The following NOL4 variants were observed in gnomAD, a reference collection of about 807,000 sequenced individuals.
The protein encoded by NOL4 is cancer/testis antigen 125.
Under a neutral mutation model 75.9 loss-of-function variants are expected in NOL4, and 17 were observed. The observed-to-expected ratio is 0.22, with a 90% CI of 0.15 to 0.34. The LOEUF is 0.34. Among genes scored for constraint, NOL4 ranks in the 10% least tolerant of loss-of-function variants. The pLI is 1.00. For synonymous variants in NOL4, 292 were observed against 289.9 expected (o/e 1.01, Z -0.07); for missense variants, 614 against 793.5 (o/e 0.77, Z 2.72).
intron 1 of NOL4, among the ~76,000 whole-genome samples, chr18:34,177,815 A>G (rs1187270221): frequency 6.6e-6 from 1 of 151,916 alleles, no homozygotes; most frequent in African/African-American, 2.4e-5. Flanking sequence ...ACAAAAATTC[A>G]AAGAATTTGT....
chr18:34,194,623 T>C (rs1274550410), intron 1 of NOL4, among the ~76,000 whole-genome samples: 1 of 152,186 alleles, frequency 6.6e-6, no homozygotes, highest in African/African-American at 2.4e-5. Flanking sequence ...TGTTTACACA[T>C]TGTTTCATCT....
chr18:33,973,482 TA>T (rs1211671620), intron 6 of NOL4, among the ~76,000 whole-genome samples: 1 of 152,208 alleles, frequency 6.6e-6, no homozygotes, highest in East Asian at 1.9e-4. Context: ...TTTATAACGG[TA>T]TATGGAATAC....
intron 5 of NOL4, among the ~76,000 whole-genome samples, chr18:34,032,983 C>A (rs1297783854): frequency 6.6e-6 from 1 of 152,182 alleles, no homozygotes; most frequent in Non-Finnish European, 1.5e-5. Flanking sequence ...AAAGACTACA[C>A]TACCGCACAC....
intron 1 of NOL4, among the ~76,000 whole-genome samples, chr18:34,143,100 G>T (rs1020105561): frequency 2.0e-5 from 3 of 151,854 alleles, no homozygotes; most frequent in African/African-American, 7.2e-5. Flanking sequence ...GAAGGGAAGC[G>T]AAGGGAAGGG....
intron 1 of NOL4, among the ~76,000 whole-genome samples, chr18:34,217,986 T>C (rs970453473): frequency 2.0e-5 from 3 of 152,138 alleles, no homozygotes; most frequent in Non-Finnish European, 4.4e-5. Flanking sequence ...CTATGCCATG[T>C]TTCTTGCCAT....
chr18:33,906,426 C>T lies in NOL4; in HGVS notation c.1543-23002G>A, dbSNP rs905440208. On this transcript the variant is annotated intron_variant, in intron 9 of 10. Coordinates refer to ENST00000261592, the MANE Select transcript of NOL4 (RefSeq NM_003787.5). ...AGTTTGCTAGCTCTCTAAATAAGGT[C>T]ACTGACCTTGTTCCAAATCCTTGTC... Among the ~76,000 whole-genome samples the T allele has an allele frequency of 5.3e-5, 8 of 152,162 alleles. No homozygotes were observed. In the South Asian group the frequency reaches 1.0e-3, roughly 20 times the overall value.
At chr18:33,928,951 T>C (rs919280626) in intron 9 of NOL4, among the ~76,000 whole-genome samples, 1 of 152,208 alleles carries the variant, frequency 6.6e-6, no homozygotes, top group African/African-American at 2.4e-5. Flanking sequence ...TATTCATTAT[T>C]GCTTTTTGGC....
At chr18:33,953,961 C>G (rs528788674) in intron 8 of NOL4, among the ~76,000 whole-genome samples, 2 of 152,210 alleles carry the variant, frequency 1.3e-5, no homozygotes, top group African/African-American at 2.4e-5. Context: ...AGAGCATATA[C>G]TTTAGTTGAA....
intron 9 of NOL4, among the ~76,000 whole-genome samples, chr18:33,913,564 G>A (rs2066535234): frequency 6.6e-6 from 1 of 152,116 alleles, no homozygotes; most frequent in African/African-American, 2.4e-5. Context: ...TTTAGTATGT[G>A]TTGTTTCTCA....
chr18:34,145,685 G>C (rs71363431), intron 1 of NOL4, among the ~76,000 whole-genome samples: 29,623 of 151,198 alleles, frequency 0.2, 3,108 homozygotes, highest in Middle Eastern at 0.24. Flanking sequence ...ACATTATCTC[G>C]GGGAAAAGAA....
At chr18:33,958,008 A>G (rs548671189) in intron 7 of NOL4, among the ~76,000 whole-genome samples, 1 of 152,160 alleles carries the variant, frequency 6.6e-6, no homozygotes, top group African/African-American at 2.4e-5. Context: ...CTAGGTAAAC[A>G]TGCATACTCA....
intron 5 of NOL4, among the ~76,000 whole-genome samples, chr18:34,043,778 G>T (rs1347624886): frequency 6.6e-6 from 1 of 152,020 alleles, no homozygotes; most frequent in Non-Finnish European, 1.5e-5. Context: ...GGAGGCAGTT[G>T]CCTCTTCATC....
intron 6 of NOL4, among the ~76,000 whole-genome samples, chr18:34,006,479 TAG>T (rs2074034236): frequency 6.6e-6 from 1 of 152,032 alleles, no homozygotes; most frequent in African/African-American, 2.4e-5. Context: ...GCCCTAGATG[TAG>T]AGTCATCCCC....
chr18:33,942,312 G>A (rs997640006), intron 9 of NOL4, among the ~76,000 whole-genome samples: 7 of 151,790 alleles, frequency 4.6e-5, no homozygotes, highest in African/African-American at 1.5e-4. Flanking sequence ...TATATCATGT[G>A]ATAATTTAGA....
At chr18:34,105,398 G>A (rs1037407184) in intron 2 of NOL4, among the ~76,000 whole-genome samples, 2 of 151,842 alleles carry the variant, frequency 1.3e-5, no homozygotes, top group Admixed American at 1.3e-4. Context: ...ATCTCGATGG[G>A]CATCTGTTTA....
chr18:33,853,712 A>C (rs1045220860), intron 10 of NOL4, among the ~76,000 whole-genome samples: 1 of 152,092 alleles, frequency 6.6e-6, no homozygotes, highest in Non-Finnish European at 1.5e-5. Context: ...TACTGCAAAC[A>C]ATACCACAGA....
At chr18:33,967,542 G>A (rs1006575656) in intron 6 of NOL4, among the ~76,000 whole-genome samples, 3 of 152,118 alleles carry the variant, frequency 2.0e-5, no homozygotes, top group Admixed American at 6.5e-5. Flanking sequence ...CTACAGAATA[G>A]GAGAAAATGT....
At chr18:33,934,862 GTTTT>G (rs869081039) in intron 9 of NOL4, among the ~76,000 whole-genome samples, 9 of 118,312 alleles carry the variant, frequency 7.6e-5, no homozygotes, top group Non-Finnish European at 1.4e-4. Flanking sequence ...GGAGTAGCAC[GTTTT>G]TTTTTTTTTT....
At chr18:33,978,219 A>C (rs530355680) in intron 6 of NOL4, among the ~76,000 whole-genome samples, 1 of 152,158 alleles carries the variant, frequency 6.6e-6, no homozygotes, top group Non-Finnish European at 1.5e-5. Context: ...TTATTGAAAG[A>C]TATATGTCTA....
Sources: allele counts gnomAD v4.1 joint callset (sites outside exome capture counted in the v4.1 genomes callset), GRCh38; gene constraint gnomAD v4.1.1; transcripts MANE v1.5; gene names NCBI Gene and HGNC (gene_info 2026-07-23, HGNC 2026-07-21).